SCN1A: variants seen among roughly 807,000 people sequenced by gnomAD.
SCN1A encodes the protein sodium channel protein type 1 subunit alpha.
A neutral mutation model predicts 193.7 loss-of-function variants in SCN1A; 13 were observed. The observed-to-expected ratio is 0.07, with a 90% CI of 0.04 to 0.11. SCN1A has a LOEUF of 0.11. Ranked by LOEUF, SCN1A falls within the 10% of genes least tolerant of loss-of-function variation. The probability of loss-of-function intolerance (pLI) is 1.00; values close to 1 mark genes in which losing one functional copy is unlikely to be tolerated. For missense variants in SCN1A, 1,432 were observed against 2,451.1 expected (o/e 0.58, Z 8.78); for synonymous variants, 781 against 843.6 (o/e 0.93, Z 1.29).
Position 165,992,157 on chromosome 2 carries a change from G to A in SCN1A, c.5118C>T (p.Asn1706=). Residue 1706 remains asparagine, a synonymous_variant, in exon 29 of 29, where the codon AAC becomes AAT. Transcript: ENST00000674923. The surrounding 1 kb of genome is among the most constrained non-coding windows in gnomAD (Gnocchi z 6.5). ...KREVGIDDMF[N]FETFGNSMIC... ...TCATGCTGTTGCCAAAGGTCTCAAA[G>A]TTGAACATGTCATCGATCCCAACTT... is the stretch of plus-strand genomic sequence containing the variant. 6.2e-7 allele frequency: 1 copy of A among 1,613,892 alleles called. No individual in the cohort carries two copies. The highest frequency in any genetic ancestry group is 1.1e-5 in the South Asian group (1 of 91,082).
chr2:166,055,803 GATC>G (rs1408888073), intron 6 of SCN1A, among the ~76,000 whole-genome samples: 5 of 152,126 alleles, frequency 3.3e-5, no homozygotes, highest in Admixed American at 3.3e-4. Context: ...AGAACAGAGA[GATC>G]ATCAATATAG....
chr2:166,009,553 C>G (rs1692128576), intron 23 of SCN1A, 166 bp downstream of exon 23: 1 of 505,598 alleles, frequency 2.0e-6, no homozygotes, highest in African/African-American at 1.9e-5. Context: ...AGGCCTATTT[C>G]TCTTGCATAT....
At chr2:165,997,158 T>C (rs1690190463) in intron 26 of SCN1A, among the ~76,000 whole-genome samples, 1 of 151,190 alleles carries the variant, frequency 6.6e-6, no homozygotes, top group Non-Finnish European at 1.5e-5. Context: ...TCTGTCCCTC[T>C]CTCTTTTTTT....
chr2:166,147,049 G>T (rs1473450008), intron 1 of SCN1A, among the ~76,000 whole-genome samples: 8 of 150,904 alleles, frequency 5.3e-5, no homozygotes, highest in African/African-American at 2.0e-4. Context: ...TCACCTGGAG[G>T]AAAGGCTTAC....
intron 17 of SCN1A, among the ~76,000 whole-genome samples, chr2:166,038,527 G>A (rs11685081): frequency 0.26 from 39,667 of 151,684 alleles, 5,877 homozygotes; most frequent in Non-Finnish European, 0.34. Flanking sequence ...TAGTAGAGAC[G>A]GAGTTTCACC....
At chr2:166,106,425 C>G (rs1688700530) in intron 2 of SCN1A, among the ~76,000 whole-genome samples, 1 of 152,028 alleles carries the variant, frequency 6.6e-6, no homozygotes, top group Admixed American at 6.5e-5. Context: ...TGGAAGCCCT[C>G]TTTCTCTACA....
intron 4 of SCN1A, among the ~76,000 whole-genome samples, chr2:166,064,424 A>G (rs989986488): frequency 1.3e-5 from 2 of 152,184 alleles, no homozygotes; most frequent in Non-Finnish European, 2.9e-5. Context: ...CCATTGGCCA[A>G]ATTATCAATG....
At chr2:166,017,464 C>T (rs1693456454) in intron 19 of SCN1A, among the ~76,000 whole-genome samples, 1 of 151,996 alleles carries the variant, frequency 6.6e-6, no homozygotes, top group Non-Finnish European at 1.5e-5. Flanking sequence ...TGAAGAAATT[C>T]TTATGTCTTA....
chr2:166,145,937 T>C (rs1182487329), intron 1 of SCN1A, among the ~76,000 whole-genome samples: 1 of 151,694 alleles, frequency 6.6e-6, no homozygotes, highest in Non-Finnish European at 1.5e-5. Context: ...AAATTTGGAG[T>C]GTTCAGATCT....
At chr2:166,041,637 G>A (rs1465497400) in intron 15 of SCN1A, among the ~76,000 whole-genome samples, 168 bp from the exon 16 acceptor site, 1 of 152,090 alleles carries the variant, frequency 6.6e-6, no homozygotes, top group Non-Finnish European at 1.5e-5. Context: ...ACCTCCCAAG[G>A]ATATTTCATC....
At chr2:166,066,828 T>C (rs1683891049) in intron 4 of SCN1A, among the ~76,000 whole-genome samples, 1 of 152,180 alleles carries the variant, frequency 6.6e-6, no homozygotes, top group African/African-American at 2.4e-5. Context: ...AAGTGGACCA[T>C]GTTACTGCTG....
chr2:166,062,581 T>C (rs1683422161), intron 4 of SCN1A, among the ~76,000 whole-genome samples: 1 of 152,114 alleles, frequency 6.6e-6, no homozygotes. Flanking sequence ...GGAAATACTG[T>C]TTGCTTACAA....
chr2:166,064,221 T>A (rs1683605376), intron 4 of SCN1A, among the ~76,000 whole-genome samples: 1 of 152,176 alleles, frequency 6.6e-6, no homozygotes, highest in Admixed American at 6.5e-5. Context: ...ACAGGTTTCT[T>A]AACTTTCTGT....
chr2:165,999,994 C>T (rs1240723364), intron 24 of SCN1A: 3 of 568,144 alleles, frequency 5.3e-6, no homozygotes, highest in African/African-American at 1.9e-5. Context: ...ATATCCTCCC[C>T]TTGATAACCA....
At chr2:166,045,387 AG>A (rs67636132) in intron 12 of SCN1A, 60 bp from the exon 13 acceptor site, 489,626 of 1,560,064 alleles carry the variant, frequency 0.31, 80,738 homozygotes, top group Non-Finnish European at 0.34. Flanking sequence ...TTTCTTTGAA[AG>A]GGCTGAAGTA....
chr2:166,030,772 A>G lies in SCN1A; in HGVS notation c.3429+5276T>C, dbSNP rs373570594. ...TCTAGTATCCATATAAATCAACCAA[A>G]CCTCAAAAAATTATTGGGCAACTGT... On this transcript the variant is annotated intron_variant, in intron 19 of 28. Transcript: ENST00000674923. 2.6e-5 allele frequency among the ~76,000 whole-genome samples: 4 copies of G among 152,128 alleles called. No individual in the cohort carries two copies. The East Asian group carries it at 5.8e-4, about 22-fold the overall frequency.
chr2:166,048,734 T>C (rs758557689), intron 10 of SCN1A, 152 bp downstream of exon 10: 15 of 644,796 alleles, frequency 2.3e-5, no homozygotes, highest in Non-Finnish European at 3.6e-5. Context: ...ATTTACATAA[T>C]CTCATACTTT....
At chr2:166,144,940 C>A (rs1402279566) in intron 1 of SCN1A, among the ~76,000 whole-genome samples, 1 of 151,400 alleles carries the variant, frequency 6.6e-6, no homozygotes, top group Non-Finnish European at 1.5e-5. Context: ...CAACCTCCGC[C>A]TCCCGGGTTC....
At chr2:165,997,484 G>A (rs1212710409) in intron 26 of SCN1A, among the ~76,000 whole-genome samples, 2 of 151,158 alleles carry the variant, frequency 1.3e-5, no homozygotes, top group African/African-American at 2.4e-5. Flanking sequence ...AATCAAATGA[G>A]CCTTATAAAT....
Sources: allele counts gnomAD v4.1 joint callset (sites outside exome capture counted in the v4.1 genomes callset), GRCh38; gene constraint gnomAD v4.1.1; non-coding constraint Gnocchi (gnomAD v3.1); transcripts MANE v1.5; gene names NCBI Gene and HGNC (gene_info 2026-07-23, HGNC 2026-07-21).